The following SUGCT variants were observed in gnomAD, a reference collection of about 807,000 sequenced individuals.
The protein encoded by SUGCT is succinyl-CoA:glutarate CoA-transferase.
Under a neutral mutation model 55.0 loss-of-function variants are expected in SUGCT, and 41 were observed. The ratio of observed to expected loss-of-function variants is 0.74; its 90% CI spans 0.58 to 0.97. The LOEUF is 0.97. Ranked by LOEUF, SUGCT falls within the 50% of genes least tolerant of loss-of-function variation. The pLI is 0.00. For missense variants in SUGCT, 568 were observed against 547.8 expected (o/e 1.04, Z -0.37); for synonymous variants, 187 against 200.4 (o/e 0.93, Z 0.56).
At chr7:40,544,750 G>A (rs1470018396) in intron 12 of SUGCT, among the ~76,000 whole-genome samples, 2 of 152,108 alleles carry the variant, frequency 1.3e-5, no homozygotes, top group East Asian at 3.9e-4. Context: ...TTTCACTAGG[G>A]AAATCAGTTT....
chr7:40,413,802 A>T (rs1012544646), intron 9 of SUGCT, among the ~76,000 whole-genome samples: 1 of 152,214 alleles, frequency 6.6e-6, no homozygotes, highest in African/African-American at 2.4e-5. Context: ...TAGTGACAAC[A>T]TAAAAAAAAC....
chr7:40,238,167 G>C (rs767428261), intron 7 of SUGCT, among the ~76,000 whole-genome samples: 1 of 152,122 alleles, frequency 6.6e-6, no homozygotes, highest in Non-Finnish European at 1.5e-5. Context: ...ACATAGCAGA[G>C]GGTCTATTTT....
intron 13 of SUGCT, among the ~76,000 whole-genome samples, chr7:40,807,243 TG>T (rs956819936): frequency 6.6e-6 from 1 of 152,186 alleles, no homozygotes; most frequent in Non-Finnish European, 1.5e-5. Context: ...TTTTGAGTTC[TG>T]GGGTGCATGT....
At chr7:40,973,007 C>T in the SUGCT span, among the ~76,000 whole-genome samples, 3 of 152,212 alleles carry the variant, frequency 2.0e-5, no homozygotes, top group African/African-American at 7.2e-5. Flanking sequence ...TGTTGGCATT[C>T]TCTGCTTTTC....
intron 12 of SUGCT, among the ~76,000 whole-genome samples, chr7:40,576,865 T>TC (rs1796796850): frequency 6.6e-6 from 1 of 152,170 alleles, no homozygotes. Context: ...GCATCAGATT[T>TC]CCCCCAGGAA....
chr7:40,992,578 T>C, the SUGCT span, among the ~76,000 whole-genome samples: 2 of 152,110 alleles, frequency 1.3e-5, no homozygotes, highest in Non-Finnish European at 2.9e-5. Context: ...AGTATCCCTC[T>C]TGTGGGTCTA....
chr7:40,907,130 TGTGTGTGTGTGA>T, the SUGCT span, among the ~76,000 whole-genome samples: 52 of 112,378 alleles, frequency 4.6e-4, no homozygotes, highest in Middle Eastern at 4.3e-3. Flanking sequence ...TGTGTGTGTG[TGTGTGTGTGTGA>T]GAGAGAGAGA....
chr7:40,425,607 A>G (rs1446332109), intron 9 of SUGCT, among the ~76,000 whole-genome samples: 2 of 152,096 alleles, frequency 1.3e-5, no homozygotes, highest in African/African-American at 4.8e-5. Flanking sequence ...GCTGGGGTCT[A>G]CAAAGTGACT....
chr7:40,267,707 C>T lies in SUGCT; in HGVS notation c.577-6806C>T, dbSNP rs994365887. 2.0e-5 allele frequency among the ~76,000 whole-genome samples: 3 copies of T among 152,196 alleles called. No individual in the cohort carries two copies. In the East Asian group the frequency reaches 5.8e-4, roughly 29 times the overall value. On this transcript the variant is annotated intron_variant, in intron 7 of 13. Transcript: ENST00000335693. ...CCCCTTCTCTGATTTTGTCTTCTTG[C>T]ACCTGGGAATACTTAGGCACTTTAC...
chr7:40,811,093 A>G (rs2128757610), intron 13 of SUGCT, among the ~76,000 whole-genome samples: 2 of 152,216 alleles, frequency 1.3e-5, no homozygotes, highest in South Asian at 2.1e-4. Context: ...TTATTTCTGC[A>G]TTCTGTATTC....
chr7:40,645,102 G>C (rs1429766950), intron 12 of SUGCT, among the ~76,000 whole-genome samples: 1 of 152,192 alleles, frequency 6.6e-6, no homozygotes, highest in Non-Finnish European at 1.5e-5. Context: ...GCTATCTCCT[G>C]CTCCTTTTCC....
intron 13 of SUGCT, among the ~76,000 whole-genome samples, chr7:40,754,196 G>A (rs1432340445): frequency 6.6e-6 from 1 of 152,126 alleles, no homozygotes; most frequent in African/African-American, 2.4e-5. Flanking sequence ...ACAGTTAAAA[G>A]TGAAGAGAGA....
At chr7:40,358,734 A>T (rs965253512) in intron 9 of SUGCT, among the ~76,000 whole-genome samples, 1 of 151,780 alleles carries the variant, frequency 6.6e-6, no homozygotes, top group East Asian at 1.9e-4. Flanking sequence ...AACAACAATA[A>T]CAACAACAAC....
At chr7:40,661,409 C>T (rs1222510577) in intron 12 of SUGCT, among the ~76,000 whole-genome samples, 1 of 152,162 alleles carries the variant, frequency 6.6e-6, no homozygotes, top group African/African-American at 2.4e-5. Flanking sequence ...TCTGCCAGAT[C>T]ATCCCCACTG....
At chr7:40,334,143 G>T (rs923714683) in intron 9 of SUGCT, among the ~76,000 whole-genome samples, 1 of 152,108 alleles carries the variant, frequency 6.6e-6, no homozygotes, top group Non-Finnish European at 1.5e-5. Context: ...TCTTAATCCA[G>T]TCTATCATTG....
At chr7:40,685,154 G>C (rs1372947706) in intron 12 of SUGCT, among the ~76,000 whole-genome samples, 8 of 151,978 alleles carry the variant, frequency 5.3e-5, no homozygotes, top group Non-Finnish European at 8.8e-5. Context: ...ACCACACCTG[G>C]CTCTTATGAG....
At chr7:40,610,941 C>T (rs975964316) in intron 12 of SUGCT, among the ~76,000 whole-genome samples, 1 of 152,114 alleles carries the variant, frequency 6.6e-6, no homozygotes, top group African/African-American at 2.4e-5. Context: ...CTATCTGGAT[C>T]AGCACTCCTC....
the SUGCT span, among the ~76,000 whole-genome samples, chr7:40,945,208 A>C: frequency 6.6e-6 from 1 of 152,036 alleles, no homozygotes; most frequent in Non-Finnish European, 1.5e-5. Context: ...AAACACACTG[A>C]GGTCTTTTTA....
chr7:40,869,284 A>C, the SUGCT span, among the ~76,000 whole-genome samples: 1 of 152,210 alleles, frequency 6.6e-6, no homozygotes, highest in Admixed American at 6.5e-5. Context: ...CTAGAGGTCA[A>C]ACTCATTAGG....
Sources: allele counts gnomAD v4.1 joint callset (sites outside exome capture counted in the v4.1 genomes callset), GRCh38; gene constraint gnomAD v4.1.1; transcripts MANE v1.5; gene names NCBI Gene and HGNC (gene_info 2026-07-23, HGNC 2026-07-21).